The following SPATA13 variants were observed in gnomAD, a reference collection of about 807,000 sequenced individuals.
SPATA13 encodes the protein spermatogenesis associated 13, also known as spermatogenesis-associated protein 13.
Under a neutral mutation model 104.0 loss-of-function variants are expected in SPATA13, and 50 were observed. That is an observed-to-expected ratio of 0.48 (90% confidence interval 0.38 to 0.61). The LOEUF (loss-of-function observed/expected upper bound fraction) is 0.61. Ranked by LOEUF, SPATA13 falls within the 20% of genes least tolerant of loss-of-function variation. The pLI, the probability that SPATA13 is intolerant of heterozygous loss-of-function variation, is 0.00. For missense variants in SPATA13, 1,524 were observed against 1,690.6 expected (o/e 0.90, Z 1.73); for synonymous variants, 606 against 667.5 (o/e 0.91, Z 1.42).
intron 3 of SPATA13, among the ~76,000 whole-genome samples, chr13:24,100,845 CCTT>C: frequency 6.6e-6 from 1 of 152,328 alleles, no homozygotes; most frequent in Middle Eastern, 3.4e-3. Flanking sequence ...TTCCCACCCT[CCTT>C]CTGGTGAACT....
At position 24,069,838 on chromosome 13, in the gene SPATA13, C is replaced by T. The variant is rs74794215; in HGVS notation, c.-112+52137C>T. On this transcript the variant is annotated intron_variant, in intron 3 of 14. Transcript: ENST00000424834. The stretch of plus-strand genomic sequence containing the variant: ...TAATCTAAGACCAAATGGCACTGAC[C>T]GTTGTGACAGTGAGAAAGTTGGGAA... Among the ~76,000 whole-genome samples the T allele has an allele frequency of 3.4e-3, 510 of 152,226 alleles. 15 individuals are homozygous for T. In the East Asian group the frequency reaches 0.062, roughly 19 times the overall value.
rs1877203057 is a variant in SPATA13, at chr13:24,301,810, A to T, written c.3659-788A>T. Among the ~76,000 whole-genome samples, 5 of 152,374 alleles carry T rather than the reference A, an allele frequency of 3.3e-5. No individual in the cohort carries two copies. In the South Asian group the frequency reaches 1.0e-3, roughly 32 times the overall value. On this transcript the variant is annotated intron_variant, in intron 12 of 12. Transcript: ENST00000382108. Reference sequence around the variant, plus strand: ...AACCTTCTAAATTACCTCTGCACAGATTAAAAATACCTATGCCGGTGAAGT... The same window carrying T: ...AACCTTCTAAATTACCTCTGCACAGTTTAAAAATACCTATGCCGGTGAAGT...
chr13:24,148,518 C>T (rs1027445032), intron 3 of SPATA13, among the ~76,000 whole-genome samples: 1 of 152,176 alleles, frequency 6.6e-6, no homozygotes, highest in African/African-American at 2.4e-5. Context: ...CACTGCCTCC[C>T]AGGGTACCTG....
At chr13:24,125,889 A>C (rs1881196906) in intron 3 of SPATA13, among the ~76,000 whole-genome samples, 1 of 152,180 alleles carries the variant, frequency 6.6e-6, no homozygotes, top group South Asian at 2.1e-4. Context: ...ATGGAAGGCA[A>C]AAGGGGGCCC....
At chr13:24,000,146 T>C (rs1372392318) in intron 2 of SPATA13, among the ~76,000 whole-genome samples, 1 of 152,094 alleles carries the variant, frequency 6.6e-6, no homozygotes, top group African/African-American at 2.4e-5. Flanking sequence ...GAGCACAAAA[T>C]CAAATACAGA....
chr13:23,984,052 A>G lies in SPATA13; in HGVS notation c.-147+119A>G, dbSNP rs575732791. 5.6e-5 allele frequency: 35 copies of G among 626,548 alleles called. No individual in the cohort carries two copies. In the African/African-American group the frequency reaches 6.0e-4, roughly 11 times the overall value. 38.8% of individuals were successfully genotyped at this position (626,548 alleles called of 1,614,324 possible). A position where few individuals can be genotyped will look rare whatever the true frequency, so the allele number is the denominator to read the frequency against. ...CAGCCAGTAGAATTTGAAGGTTTTC[A>G]CTGAGGCATTGAGCAACTAACAAGG... On this transcript the variant is annotated intron_variant, in intron 2 of 14. Coordinates refer to the SPATA13 transcript ENST00000424834.
chr13:24,034,981 C>T (rs2137720730), intron 3 of SPATA13: 1 of 152,324 alleles, frequency 6.6e-6, no homozygotes, highest in South Asian at 2.1e-4. Flanking sequence ...CTGTGGCCAT[C>T]TTTACCCCAT....
chr13:24,295,315 TA>T (rs1876691407), intron 10 of SPATA13, among the ~76,000 whole-genome samples: 1 of 152,088 alleles, frequency 6.6e-6, no homozygotes, highest in Non-Finnish European at 1.5e-5. Flanking sequence ...GTGAGCATTT[TA>T]TAAAACAGTA....
At chr13:24,096,007 G>C (rs1214958930) in intron 3 of SPATA13, among the ~76,000 whole-genome samples, 1 of 152,198 alleles carries the variant, frequency 6.6e-6, no homozygotes, top group African/African-American at 2.4e-5. Context: ...GCCTCTGAGA[G>C]GCTGCCTGGG....
intron 1 of SPATA13, among the ~76,000 whole-genome samples, chr13:24,165,938 G>A (rs1013952182): frequency 8.5e-5 from 13 of 152,154 alleles, no homozygotes; most frequent in African/African-American, 3.1e-4. Context: ...ACACATCCGG[G>A]TTGTGTGTTG....
intron 3 of SPATA13, among the ~76,000 whole-genome samples, chr13:24,076,026 C>G (rs1879313134): frequency 6.6e-6 from 1 of 152,172 alleles, no homozygotes; most frequent in South Asian, 2.1e-4. Flanking sequence ...GAATGTGCTG[C>G]CCAAACTAAG....
intron 3 of SPATA13, among the ~76,000 whole-genome samples, chr13:24,086,956 G>T (rs7326323): frequency 0.7 from 106,991 of 152,034 alleles, 37,854 homozygotes; most frequent in East Asian, 0.89. Context: ...TCTAATCTGG[G>T]CTAAGAAGTG....
intron 4 of SPATA13, among the ~76,000 whole-genome samples, chr13:24,271,866 G>T (rs1259035781): frequency 6.6e-6 from 1 of 152,178 alleles, no homozygotes; most frequent in Admixed American, 6.5e-5. Context: ...TTTCTGTGCT[G>T]CTGACAGACA....
intron 3 of SPATA13, among the ~76,000 whole-genome samples, chr13:24,048,483 G>T (rs959807383): frequency 6.6e-6 from 1 of 151,460 alleles, no homozygotes; most frequent in East Asian, 1.9e-4. Flanking sequence ...GGATGAAGAG[G>T]ATCTTACATT....
intron 1 of SPATA13, among the ~76,000 whole-genome samples, chr13:24,189,716 C>T (rs181358336): frequency 0.023 from 135 of 5,812 alleles, no homozygotes; most frequent in Non-Finnish European, 0.1. Context: ...TATATAAAAG[C>T]ATATATAATA....
At chr13:24,278,001 G>T (rs568856380) in intron 4 of SPATA13, among the ~76,000 whole-genome samples, 1 of 152,280 alleles carries the variant, frequency 6.6e-6, no homozygotes, top group East Asian at 1.9e-4. Context: ...AGTAGTTAGG[G>T]TGGTGAAGGG....
chr13:24,124,530 C>G (rs559227234), intron 3 of SPATA13, among the ~76,000 whole-genome samples: 2 of 152,192 alleles, frequency 1.3e-5, no homozygotes, highest in African/African-American at 2.4e-5. Flanking sequence ...ACGCAGTGCT[C>G]TCATCTAGAT....
chr13:24,237,922 T>TAAACATACATGTTTAAATATGCAATATAC (rs1872647538), intron 2 of SPATA13, among the ~76,000 whole-genome samples: 1 of 148,348 alleles, frequency 6.7e-6, no homozygotes, highest in Non-Finnish European at 1.5e-5. Context: ...ATGCAATATA[T>TAAACATACATGTTTAAATATGCAATATAC]AAACATACAT....
At chr13:24,191,241 G>T (rs1869719999) in intron 1 of SPATA13, among the ~76,000 whole-genome samples, 2 of 152,030 alleles carry the variant, frequency 1.3e-5, no homozygotes, top group African/African-American at 4.8e-5. Context: ...CTCCCAAAAT[G>T]TTGGGATTAT....
Sources: allele counts gnomAD v4.1 joint callset (sites outside exome capture counted in the v4.1 genomes callset), GRCh38; gene constraint gnomAD v4.1.1; transcripts MANE v1.5; gene names NCBI Gene and HGNC (gene_info 2026-07-23, HGNC 2026-07-21).